Variants in FBXO8 observed in about 807,000 individuals in gnomAD.
FBXO8 encodes F-box protein 8.
Under a neutral mutation model 33.4 loss-of-function variants are expected in FBXO8, and 15 were observed. That is an observed-to-expected ratio of 0.45 (90% CI 0.30 to 0.69). The LOEUF (loss-of-function observed/expected upper bound fraction) is 0.69. Among genes scored for constraint, FBXO8 ranks in the 30% least tolerant of loss-of-function variants. The probability of loss-of-function intolerance (pLI) is 0.08; values close to 1 mark genes in which losing one functional copy is unlikely to be tolerated. For synonymous variants in FBXO8, 132 were observed against 131.5 expected (o/e 1.00, Z -0.02); for missense variants, 274 against 380.3 (o/e 0.72, Z 2.32).
At position 174,283,641 on chromosome 4, in the gene FBXO8, A is replaced by C. The variant is rs1737206803; in HGVS notation, c.-240T>G. Reference sequence around the variant, plus strand: ...GCTGCAGGGGCCAGAACTGCCGACTATCCCAATTTTGACGTTTCCTATTGT... The same window carrying C: ...GCTGCAGGGGCCAGAACTGCCGACTCTCCCAATTTTGACGTTTCCTATTGT... On this transcript the variant is annotated 5_prime_UTR_variant, in exon 1 of 6. Transcript: ENST00000393674. This position sits in a 1 kb window ranked among gnomAD's most constrained non-coding sequence, Gnocchi z 6.7. The C allele has an allele frequency of 2.7e-6, 1 of 368,516 alleles. No homozygotes were observed. The allele number at this position is 368,516 out of a possible 1,614,324, so 22.8% of individuals were successfully genotyped here.
chr4:174,281,957 T>C lies in FBXO8; in HGVS notation c.-9+1453A>G, dbSNP rs975255304. 3.0e-4 allele frequency among the ~76,000 whole-genome samples: 46 copies of C among 152,200 alleles called. No individual in the cohort carries two copies. The highest frequency in any genetic ancestry group is 1.1e-3 in the African/African-American group (45 of 41,450). On this transcript the variant is annotated intron_variant, in intron 1 of 5. Coordinates refer to ENST00000393674, the MANE Select transcript of FBXO8 (RefSeq NM_012180.3). This position sits in a 1 kb window ranked among gnomAD's most constrained non-coding sequence, Gnocchi z 4.6. ...CTTTAGTATTAATGATTTTGATGCA[T>C]TATCATGGGTCAGTCAATGGAATAG... is the stretch of plus-strand genomic sequence containing the variant.
chr4:174,268,683 G>C (rs1221272133), intron 1 of FBXO8, among the ~76,000 whole-genome samples: 7 of 152,208 alleles, frequency 4.6e-5, no homozygotes, highest in Admixed American at 1.3e-4. Context: ...TGATCCGCCC[G>C]CCTTGGCCTC....
rs1167046413 is a variant in FBXO8 at position 174,259,027 on chromosome 4, C to T, written c.456+672G>A. 6.6e-6 allele frequency among the ~76,000 whole-genome samples: 1 copy of T among 151,550 alleles called. No homozygotes were observed. Among genetic ancestry groups the T allele is most frequent in the Admixed American group, 6.6e-5 (1 of 15,208 alleles). ...TTCACTTAGATTTCTAAGAATAAAT[C>T]TGTAAGTATTTAAACATTTCTGAAA... is the stretch of plus-strand genomic sequence containing the variant. On this transcript the variant is annotated intron_variant, in intron 3 of 5. Coordinates refer to ENST00000393674, the MANE Select transcript of FBXO8 (RefSeq NM_012180.3). The surrounding 1 kb of genome is among the most constrained non-coding windows in gnomAD (Gnocchi z 4.3).
intron 3 of FBXO8, among the ~76,000 whole-genome samples, chr4:174,246,239 A>G (rs1054826433): frequency 6.6e-6 from 1 of 151,498 alleles, no homozygotes; most frequent in African/African-American, 2.4e-5. Context: ...TGGTTCTGCA[A>G]CTTAATGATG....
At chr4:174,276,138 A>C (rs1450146848) in intron 1 of FBXO8, among the ~76,000 whole-genome samples, 2 of 152,180 alleles carry the variant, frequency 1.3e-5, no homozygotes. Context: ...TTTATTTAGA[A>C]TCTCCTATAT....
At position 174,268,743 on chromosome 4, in the gene FBXO8, G is replaced by A. The variant is rs573934518; in HGVS notation, c.-8-5643C>T. 2.5e-3 allele frequency among the ~76,000 whole-genome samples: 382 copies of A among 152,164 alleles called. 2 individuals carry two copies. Among genetic ancestry groups the A allele is most frequent in the African/African-American group, 8.9e-3 (370 of 41,544 alleles). On this transcript the variant is annotated intron_variant, in intron 1 of 5. Transcript: ENST00000393674. ...GAGCCACCGCGCCCGGCCGGGGGCC[G>A]TTTTAAACACTAAAATCACCAAGAA...
intron 3 of FBXO8, among the ~76,000 whole-genome samples, chr4:174,246,936 CAGG>C (rs1736174236): frequency 1.3e-5 from 2 of 151,886 alleles, no homozygotes; most frequent in South Asian, 4.1e-4. Context: ...AACAACGATG[CAGG>C]ATATGACTGG....
rs1332288386 is a variant in FBXO8, at chr4:174,267,205, G to C, written c.-8-4105C>G. On this transcript the variant is annotated intron_variant, in intron 1 of 5. Transcript: ENST00000393674. This position sits in a 1 kb window ranked among gnomAD's most constrained non-coding sequence, Gnocchi z 4.7. Reference sequence around the variant, plus strand: ...TTAAAACTCAGCATGCCTGAGGATGGTGCCAATAGCAGTTCCATGAAATAG... The same window carrying C: ...TTAAAACTCAGCATGCCTGAGGATGCTGCCAATAGCAGTTCCATGAAATAG... Among the ~76,000 whole-genome samples the C allele has an allele frequency of 6.6e-6, 1 of 152,176 alleles. No homozygotes were observed. The highest frequency in any genetic ancestry group is 1.5e-5 in the Non-Finnish European group (1 of 68,036).
chr4:174,251,720 T>C lies in FBXO8; in HGVS notation c.456+7979A>G, dbSNP rs1736289917. 6.6e-6 allele frequency among the ~76,000 whole-genome samples: 1 copy of C among 152,178 alleles called. No individual in the cohort carries two copies. The highest frequency in any genetic ancestry group is 1.5e-5 in the Non-Finnish European group (1 of 68,016). On this transcript the variant is annotated intron_variant, in intron 3 of 5. Coordinates refer to ENST00000393674, the MANE Select transcript of FBXO8 (RefSeq NM_012180.3). The surrounding 1 kb of genome is among the most constrained non-coding windows in gnomAD (Gnocchi z 4.2). ...AGTCGCTTGAAGGTATTAAGTTGTC[T>C]AGGCAGAGGAAGAGGCTATTTAGTG... is the stretch of plus-strand genomic sequence containing the variant.
In FBXO8 at chr4:174,272,874, T is replaced by A. The variant is rs559144252; in HGVS notation, c.-8-9774A>T. Among the ~76,000 whole-genome samples, 23 of 152,330 alleles carry A rather than the reference T, an allele frequency of 1.5e-4. 1 individual carries two copies. In the South Asian group the frequency reaches 4.3e-3, roughly 29 times the overall value. On this transcript the variant is annotated intron_variant, in intron 1 of 5. Transcript: ENST00000393674. This position sits in a 1 kb window ranked among gnomAD's most constrained non-coding sequence, Gnocchi z 4.7. ...GAGGCAAATGCACATCATATGCCTCTAGATGTGATGCCCTGAGGACACAAC... is the reference window on the plus strand; with the variant it reads ...GAGGCAAATGCACATCATATGCCTCAAGATGTGATGCCCTGAGGACACAAC...
intron 4 of FBXO8, among the ~76,000 whole-genome samples, chr4:174,239,468 C>T (rs67875138): frequency 0.1 from 15,197 of 151,762 alleles, 817 homozygotes; most frequent in Middle Eastern, 0.12. Context: ...AGGAATTCTG[C>T]AGTATTAAAA....
chr4:174,251,545 T>C lies in FBXO8; in HGVS notation c.456+8154A>G, dbSNP rs1736285135. On this transcript the variant is annotated intron_variant, in intron 3 of 5. Transcript: ENST00000393674. This position sits in a 1 kb window ranked among gnomAD's most constrained non-coding sequence, Gnocchi z 4.2. Reference sequence around the variant, plus strand: ...TGTCCTAAAAGGCAAAGGGTAAAGCTGCCTTCTTAACCATAAAATCACCTG... The same window carrying C: ...TGTCCTAAAAGGCAAAGGGTAAAGCCGCCTTCTTAACCATAAAATCACCTG... Among the ~76,000 whole-genome samples the C allele has an allele frequency of 6.6e-6, 1 of 152,074 alleles. No individual in the cohort carries two copies. Among genetic ancestry groups the C allele is most frequent in the South Asian group, 2.1e-4 (1 of 4,828 alleles).
intron 3 of FBXO8, among the ~76,000 whole-genome samples, chr4:174,249,728 T>G (rs1736243092): frequency 6.6e-6 from 1 of 151,998 alleles, no homozygotes; most frequent in Non-Finnish European, 1.5e-5. Flanking sequence ...CCAAGACACA[T>G]ATTTTAATTT....
rs1259448556 is a variant in FBXO8, at chr4:174,241,191, T to C, written c.484A>G (p.Ile162Val). ...ATTTCCTTTGGCGAATCATCCAGGA[T>C]ACCCTTGGACATAAAGTAGTTCACT... ...EGVNYFMSKG[I>V]LDDSPKEIAK... Residue 162 changes from isoleucine to valine, a missense_variant, in exon 4 of 6, where the codon ATC becomes GTC. By Grantham distance (29) the Ile-to-Val change is conservative (BLOSUM62 3). Around this residue, in one of 2 missense-constraint regions of FBXO8, gnomAD observed 186 missense variants for 293.4 expected, o/e 0.63. Transcript: ENST00000393674. This position sits in a 1 kb window ranked among gnomAD's most constrained non-coding sequence, Gnocchi z 4.2. 1.3e-5 allele frequency: 21 copies of C among 1,609,402 alleles called. No individual in the cohort carries two copies. Among genetic ancestry groups the C allele is most frequent in the Non-Finnish European group, 1.7e-5 (20 of 1,176,740 alleles).
At position 174,262,713 on chromosome 4, in the gene FBXO8, C is replaced by G. The variant is rs1474616426; in HGVS notation, c.329+51G>C. On this transcript the variant is annotated intron_variant, in intron 2 of 5. Coordinates refer to ENST00000393674, the MANE Select transcript of FBXO8 (RefSeq NM_012180.3). This position sits in a 1 kb window ranked among gnomAD's most constrained non-coding sequence, Gnocchi z 4.6. ...ATACATTATAAAAAGAACATTGAAG[C>G]ATGATTATGTTTAGAGATACCTGAA... 1.4e-6 allele frequency: 2 copies of G among 1,464,654 alleles called. No homozygotes were observed. The highest frequency in any genetic ancestry group is 2.3e-5 in the East Asian group (1 of 43,780). 90.7% of individuals were successfully genotyped at this position (1,464,654 alleles called of 1,614,324 possible). A position where few individuals can be genotyped will look rare whatever the true frequency, so the allele number is the denominator to read the frequency against.
Position 174,274,652 on chromosome 4 carries a change from T to A in FBXO8, c.-9+8758A>T, listed in dbSNP as rs561921037. ...AACTGACTCCACACAATAGGTTACA[T>A]GAATAAACCCAGTATCAAACACAGT... On this transcript the variant is annotated intron_variant, in intron 1 of 5. Transcript: ENST00000393674. The surrounding 1 kb of genome is among the most constrained non-coding windows in gnomAD (Gnocchi z 4.0). 6.6e-6 allele frequency among the ~76,000 whole-genome samples: 1 copy of A among 152,310 alleles called. No homozygotes were observed. Among genetic ancestry groups the A allele is most frequent in the East Asian group, 1.9e-4 (1 of 5,190 alleles).
intron 1 of FBXO8, among the ~76,000 whole-genome samples, chr4:174,264,699 A>T (rs1736648034): frequency 6.6e-6 from 1 of 152,076 alleles, no homozygotes; most frequent in Non-Finnish European, 1.5e-5. Context: ...TTGTTTTTGA[A>T]AAGAAGGCAC....
rs1256514856 is a variant in FBXO8 at position 174,245,177 on chromosome 4, C to CACATACAT, written c.457-3967_457-3960dup. On this transcript the variant is annotated intron_variant, in intron 3 of 5. Transcript: ENST00000393674. The surrounding 1 kb of genome is among the most constrained non-coding windows in gnomAD (Gnocchi z 4.6). ...TTAAAGTTTATCTGTGGCAATGAGA[C>CACATACAT]ACATACATAAACATCTAGAATACAC... Among the ~76,000 whole-genome samples the CACATACAT allele has an allele frequency of 1.3e-5, 2 of 151,724 alleles. No individual in the cohort carries two copies. Among genetic ancestry groups the CACATACAT allele is most frequent in the East Asian group, 3.9e-4 (2 of 5,178 alleles).
chr4:174,246,065 A>G (rs1736151169), intron 3 of FBXO8, among the ~76,000 whole-genome samples: 1 of 152,022 alleles, frequency 6.6e-6, no homozygotes, highest in Non-Finnish European at 1.5e-5. Flanking sequence ...GGTTGAAGAT[A>G]TAGATTCAGG....
Sources: gnomAD v4.1 joint callset for allele counts (sites outside exome capture counted in the v4.1 genomes callset) on GRCh38, gnomAD v4.1.1 for gene constraint, gnomAD v4.1.1 regional missense constraint, Gnocchi (gnomAD v3.1) non-coding constraint, MANE v1.5 for transcripts, NCBI Gene and HGNC (gene_info 2026-07-23, HGNC 2026-07-21) for gene names.